Variants in WDTC1 observed in about 807,000 individuals in gnomAD.
WDTC1 encodes WD and tetratricopeptide repeats 1, also known as WD and tetratricopeptide repeats protein 1.
Under a neutral mutation model 76.0 loss-of-function variants are expected in WDTC1, and 12 were observed. The ratio of observed to expected loss-of-function variants is 0.16; its 90% confidence interval spans 0.10 to 0.26. The LOEUF (loss-of-function observed/expected upper bound fraction) is 0.26, where lower values mean the gene tolerates loss of function less well. Among genes scored for constraint, WDTC1 ranks in the 10% least tolerant of loss-of-function variants. The probability of loss-of-function intolerance (pLI) is 1.00; values close to 1 mark genes in which losing one functional copy is unlikely to be tolerated. For missense variants in WDTC1, 511 were observed against 908.8 expected (o/e 0.56, Z 5.63); for synonymous variants, 326 against 350.8 (o/e 0.93, Z 0.79).
intron 5 of WDTC1, 73 bp from the exon 6 acceptor site, chr1:27,287,601 C>A: frequency 6.7e-7 from 1 of 1,485,762 alleles, no homozygotes; most frequent in Non-Finnish European, 9.1e-7. Context: ...AGGGTGCAGA[C>A]ATCCAGGCTA....
At chr1:27,289,508 G>A (rs1350469879) in intron 6 of WDTC1, among the ~76,000 whole-genome samples, 56 of 151,022 alleles carry the variant, frequency 3.7e-4, no homozygotes, top group Non-Finnish European at 6.1e-4. Flanking sequence ...AGACTGGGCA[G>A]CCAGGCAGAG....
chr1:27,254,799 A>T (rs2012220753), intron 1 of WDTC1, among the ~76,000 whole-genome samples: 1 of 151,640 alleles, frequency 6.6e-6, no homozygotes, highest in African/African-American at 2.4e-5. Flanking sequence ...CGCCTGGCTG[A>T]TTTTTTTTGT....
intron 10 of WDTC1, 90 bp from the exon 11 acceptor site, chr1:27,296,958 A>C: frequency 2.1e-4 from 243 of 1,141,608 alleles, no homozygotes; most frequent in Non-Finnish European, 2.9e-4. Context: ...TGGAACCATC[A>C]GACCCCGTGA....
intron 2 of WDTC1, 24 bp from the exon 3 acceptor site, chr1:27,263,128 C>CA: frequency 6.2e-7 from 1 of 1,611,984 alleles, no homozygotes; most frequent in Non-Finnish European, 8.5e-7. Flanking sequence ...TCAATGAAAT[C>CA]ACGAATTTGT....
At chr1:27,283,938 GTC>G (rs1300342986) in intron 5 of WDTC1, among the ~76,000 whole-genome samples, 4 of 152,176 alleles carry the variant, frequency 2.6e-5, no homozygotes, top group African/African-American at 9.7e-5. Context: ...TAAAAATAAA[GTC>G]TGTGCCCAGT....
chr1:27,280,985 T>C (rs2013170036), intron 3 of WDTC1, among the ~76,000 whole-genome samples: 1 of 152,154 alleles, frequency 6.6e-6, no homozygotes, highest in African/African-American at 2.4e-5. Flanking sequence ...ATTTTATTTT[T>C]GAGACAGAGT....
chr1:27,278,786 C>T (rs1047947533), intron 3 of WDTC1, among the ~76,000 whole-genome samples: 2 of 152,212 alleles, frequency 1.3e-5, no homozygotes, highest in African/African-American at 4.8e-5. Flanking sequence ...TTCCTCAGAG[C>T]GGCTTTCCCT....
chr1:27,240,023 AG>A (rs2011583697), intron 1 of WDTC1, among the ~76,000 whole-genome samples: 1 of 151,466 alleles, frequency 6.6e-6, no homozygotes, highest in African/African-American at 2.4e-5. Flanking sequence ...TGAGTAGCTG[AG>A]ATTATAGGTG....
In WDTC1 at chr1:27,234,885, GC is replaced by G. The variant is rs1208170365; in HGVS notation, c.-158del. 6.1e-5 allele frequency: 24 copies of G among 390,656 alleles called. 1 individual carries two copies. The highest frequency in any genetic ancestry group is 2.7e-4 in the Admixed American group (6 of 22,388). The allele number at this position is 390,656 out of a possible 1,614,324, so 24.2% of individuals were successfully genotyped here. A position where few individuals can be genotyped will look rare whatever the true frequency, so the allele number is the denominator to read the frequency against. On this transcript the variant is annotated 5_prime_UTR_variant, in exon 1 of 16. Transcript: ENST00000319394. ...CGCCCCCCTTCCCGGGAGAGGGGCC[GC>G]CCCCCCCGGACGGACATGGGCTCCT...
intron 12 of WDTC1, among the ~76,000 whole-genome samples, chr1:27,299,822 C>G (rs1185050276): frequency 6.6e-6 from 1 of 152,078 alleles, no homozygotes; most frequent in East Asian, 1.9e-4. Flanking sequence ...CTGGGGCCAG[C>G]CTGCTCTCTA....
At chr1:27,300,949 G>A (rs2013816571) in intron 12 of WDTC1, among the ~76,000 whole-genome samples, 1 of 152,242 alleles carries the variant, frequency 6.6e-6, no homozygotes, top group East Asian at 1.9e-4. Context: ...GGGTGAGCCA[G>A]TGTGCAGTTG....
chr1:27,292,206 C>G lies in WDTC1; in HGVS notation c.480-9C>G. 5.8e-6 allele frequency: 9 copies of G among 1,550,424 alleles called. No individual in the cohort carries two copies. The highest frequency in any genetic ancestry group is 7.0e-6 in the Non-Finnish European group (8 of 1,142,772). On this transcript the variant is annotated splice_polypyrimidine_tract_variant and intron_variant, in intron 6 of 15. Transcript: ENST00000319394. ...AGCCCCAATTCCCTAACTCTGTCCT[C>G]TCTCACAGCCAGTATGACCTTCGAG...
rs1377472545 is a variant in WDTC1 at position 27,245,581 on chromosome 1, T to G, written c.-100+10630T>G. Among the ~76,000 whole-genome samples, 3 of 150,928 alleles carry G rather than the reference T, an allele frequency of 2.0e-5. 1 individual carries two copies. Among genetic ancestry groups the G allele is most frequent in the African/African-American group, 7.4e-5 (3 of 40,608 alleles). On this transcript the variant is annotated intron_variant, in intron 1 of 15. Transcript: ENST00000319394. Reference sequence around the variant, plus strand: ...TTGGTTTTTTTTTTTTGTTTGTTTGTATTTTTGAGACAGAGTCTTGCCCTG... The same window carrying G: ...TTGGTTTTTTTTTTTTGTTTGTTTGGATTTTTGAGACAGAGTCTTGCCCTG...
chr1:27,261,582 T>C (rs1245356471), intron 2 of WDTC1, among the ~76,000 whole-genome samples: 1 of 152,194 alleles, frequency 6.6e-6, no homozygotes, highest in Non-Finnish European at 1.5e-5. Flanking sequence ...ACCTGTGAGA[T>C]AAATGGATGA....
chr1:27,291,794 T>C (rs530189508), intron 6 of WDTC1, among the ~76,000 whole-genome samples: 1 of 152,320 alleles, frequency 6.6e-6, no homozygotes, highest in African/African-American at 2.4e-5. Context: ...TCCCCAGCTC[T>C]GCACTTACTA....
At chr1:27,266,276 G>A (rs1478501038) in intron 3 of WDTC1, among the ~76,000 whole-genome samples, 1 of 152,160 alleles carries the variant, frequency 6.6e-6, no homozygotes, top group African/African-American at 2.4e-5. Context: ...TGGTATCACG[G>A]TAGCCAAGGA....
chr1:27,255,251 G>A (rs1250153042), intron 1 of WDTC1, among the ~76,000 whole-genome samples: 1 of 152,030 alleles, frequency 6.6e-6, no homozygotes, highest in Non-Finnish European at 1.5e-5. Context: ...GGCTCTTTTG[G>A]TGGATTCTCA....
Position 27,303,587 on chromosome 1 carries a change from A to T in WDTC1, c.1469-34A>T. 3 of 1,557,752 alleles carry T rather than the reference A, an allele frequency of 1.9e-6. No homozygotes were observed. Among genetic ancestry groups the T allele is most frequent in the Non-Finnish European group, 2.6e-6 (3 of 1,158,438 alleles). The stretch of plus-strand genomic sequence containing the variant: ...AAAATAGGGAAGGAGAGAAAGGAAC[A>T]AGGCGCTTACCTTTTCTGGATCTCT... On this transcript the variant is annotated intron_variant, in intron 13 of 15. Coordinates refer to ENST00000319394, the MANE Select transcript of WDTC1 (RefSeq NM_001276252.2). The surrounding 1 kb of genome is among the most constrained non-coding windows in gnomAD (Gnocchi z 4.8).
At chr1:27,253,397 C>CCCTCCCCCTCCCCCTCCCCTCCTCCTCCT (rs2012156016) in intron 1 of WDTC1, among the ~76,000 whole-genome samples, 15 of 93,692 alleles carry the variant, frequency 1.6e-4, no homozygotes, top group South Asian at 5.3e-4. Context: ...CTTCCCCTCC[C>CCCTCCCCCTCCCCCTCCCCTCCTCCTCCT]CCTCCCCCTC....
Sources: allele counts gnomAD v4.1 joint callset (sites outside exome capture counted in the v4.1 genomes callset), GRCh38; gene constraint gnomAD v4.1.1; non-coding constraint Gnocchi (gnomAD v3.1); transcripts MANE v1.5; gene names NCBI Gene and HGNC (gene_info 2026-07-23, HGNC 2026-07-21).